The following MRPS27 variants were observed in gnomAD, a reference collection of about 807,000 sequenced individuals.
MRPS27 encodes small ribosomal subunit protein mS27.
Under a neutral mutation model 48.9 loss-of-function variants are expected in MRPS27, and 43 were observed. The observed-to-expected ratio is 0.88, with a 90% CI of 0.69 to 1.13. The LOEUF (loss-of-function observed/expected upper bound fraction) is 1.13. Ranked by LOEUF, MRPS27 falls within the 50% of genes most tolerant of loss-of-function variation. The pLI is 0.00. For missense variants in MRPS27, 467 were observed against 476.3 expected (o/e 0.98, Z 0.18); for synonymous variants, 188 against 171.9 (o/e 1.09, Z -0.73).
intron 5 of MRPS27, among the ~76,000 whole-genome samples, chr5:72,236,679 C>A (rs1748206123): frequency 3.3e-5 from 5 of 152,030 alleles, no homozygotes; most frequent in African/African-American, 4.8e-5. Flanking sequence ...TACCTGGTTC[C>A]TCCCTTAACA....
At position 72,220,003 on chromosome 5, in the gene MRPS27, A is replaced by C. The variant is rs1277393031; in HGVS notation, c.*906T>G. 6.5e-6 allele frequency: 1 copy of C among 152,688 alleles called. No individual in the cohort carries two copies. The highest frequency in any genetic ancestry group is 2.4e-5 in the African/African-American group (1 of 41,468). The allele number at this position is 152,688 out of a possible 1,614,324, so 9.5% of individuals were successfully genotyped here. The stretch of plus-strand genomic sequence containing the variant: ...TATGGGTGCCTAAAAATGGAAATCC[A>C]GTGAGTTCATGGCCTTGAGTTCACT... On this transcript the variant is annotated 3_prime_UTR_variant, in exon 11 of 11. Coordinates refer to ENST00000261413, the MANE Select transcript of MRPS27 (RefSeq NM_015084.3).
At chr5:72,283,707 A>G (rs748832727) in intron 4 of MRPS27, among the ~76,000 whole-genome samples, 13 of 152,184 alleles carry the variant, frequency 8.5e-5, no homozygotes, top group Non-Finnish European at 1.6e-4. Flanking sequence ...TGATCCAGCA[A>G]GCTTAGAAAG....
Position 72,220,672 on chromosome 5 carries a change from C to T in MRPS27, c.*237G>A. On this transcript the variant is annotated 3_prime_UTR_variant, in exon 11 of 11. Transcript: ENST00000261413. ...AACTCCATTATGAGCCTCAAGAGTCCTCCTTAAGGTATTCAGCTGGTGACT... is the reference window on the plus strand; with the variant it reads ...AACTCCATTATGAGCCTCAAGAGTCTTCCTTAAGGTATTCAGCTGGTGACT... 5.5e-6 allele frequency: 3 copies of T among 540,948 alleles called. No homozygotes were observed. Among genetic ancestry groups the T allele is most frequent in the Non-Finnish European group, 9.7e-6 (3 of 308,712 alleles). 33.5% of individuals were successfully genotyped at this position (540,948 alleles called of 1,614,324 possible). A position where few individuals can be genotyped will look rare whatever the true frequency, so the allele number is the denominator to read the frequency against.
chr5:72,243,915 C>G (rs932908712), intron 4 of MRPS27, among the ~76,000 whole-genome samples: 2 of 152,172 alleles, frequency 1.3e-5, no homozygotes, highest in Non-Finnish European at 2.9e-5. Context: ...GATAAGCCCC[C>G]TTTGTAGTCA....
At chr5:72,259,440 C>T (rs544369629) in intron 4 of MRPS27, among the ~76,000 whole-genome samples, 191 of 148,250 alleles carry the variant, frequency 1.3e-3, no homozygotes, top group Middle Eastern at 3.5e-3. Context: ...TACACTCCAG[C>T]CTGGGCAACA....
rs1273813576 is a variant in MRPS27 at position 72,224,999 on chromosome 5, A to T, written c.837+1058T>A. Among the ~76,000 whole-genome samples the T allele has an allele frequency of 2.6e-5, 4 of 152,224 alleles. No individual in the cohort carries two copies. In the South Asian group the frequency reaches 8.3e-4, roughly 32 times the overall value. On this transcript the variant is annotated intron_variant, in intron 9 of 10. Transcript: ENST00000261413. ...TACATCACATCCAAACTGGACACAT[A>T]GCACATTCTTGCTGACATGTGAACT...
intron 4 of MRPS27, among the ~76,000 whole-genome samples, chr5:72,242,517 A>AT (rs1748382657): frequency 6.6e-6 from 1 of 151,294 alleles, no homozygotes; most frequent in Non-Finnish European, 1.5e-5. Flanking sequence ...TTCTTGTTTG[A>AT]CCAATTTCGT....
intron 2 of MRPS27, among the ~76,000 whole-genome samples, chr5:72,300,134 C>T (rs1449347886): frequency 6.6e-6 from 1 of 152,248 alleles, no homozygotes; most frequent in African/African-American, 2.4e-5. Context: ...ACACCAATAA[C>T]CACTGCCACA....
intron 4 of MRPS27, among the ~76,000 whole-genome samples, chr5:72,266,784 C>T (rs1047073511): frequency 8.6e-5 from 13 of 151,994 alleles, no homozygotes; most frequent in Non-Finnish European, 1.6e-4. Flanking sequence ...GGCCTGAACC[C>T]GGGAGGCGGA....
intron 2 of MRPS27, among the ~76,000 whole-genome samples, chr5:72,311,902 G>A (rs1403555670): frequency 6.6e-6 from 1 of 152,228 alleles, no homozygotes; most frequent in Non-Finnish European, 1.5e-5. Flanking sequence ...GGAGGCTGAG[G>A]TGGGCAGATC....
chr5:72,278,442 CAAA>C (rs11296227), intron 4 of MRPS27, among the ~76,000 whole-genome samples: 12 of 94,604 alleles, frequency 1.3e-4, no homozygotes, highest in Admixed American at 4.6e-4. Flanking sequence ...CTCTCCATCT[CAAA>C]AAAAAAAAAA....
chr5:72,314,992 T>C (rs1483914575), intron 1 of MRPS27, among the ~76,000 whole-genome samples: 2 of 152,226 alleles, frequency 1.3e-5, no homozygotes, highest in Non-Finnish European at 1.5e-5. Flanking sequence ...TGAGGTAACG[T>C]ACAAGATAGC....
chr5:72,258,081 C>G (rs1461612506), intron 4 of MRPS27, among the ~76,000 whole-genome samples: 1 of 111,800 alleles, frequency 8.9e-6, no homozygotes, highest in Admixed American at 1.1e-4. Context: ...GAGACTCTGT[C>G]TCAAAAAAAA....
At chr5:72,240,219 T>C (rs994833911) in intron 4 of MRPS27, among the ~76,000 whole-genome samples, 6 of 152,176 alleles carry the variant, frequency 3.9e-5, no homozygotes, top group African/African-American at 1.4e-4. Flanking sequence ...CTATGGTATA[T>C]ATGAAGATAT....
chr5:72,259,869 T>G (rs1180277577), intron 4 of MRPS27, among the ~76,000 whole-genome samples: 2 of 152,216 alleles, frequency 1.3e-5, no homozygotes, highest in African/African-American at 2.4e-5. Flanking sequence ...ATTGTTTAAT[T>G]TTAAATTTTT....
intron 1 of MRPS27, among the ~76,000 whole-genome samples, chr5:72,316,693 A>G (rs1441291975): frequency 1.3e-5 from 2 of 150,216 alleles, no homozygotes; most frequent in African/African-American, 4.9e-5. Context: ...AAATGGATGA[A>G]TTGTATGGCA....
intron 4 of MRPS27, among the ~76,000 whole-genome samples, chr5:72,282,995 G>A (rs1436284144): frequency 1.3e-5 from 2 of 152,144 alleles, no homozygotes; most frequent in Non-Finnish European, 2.9e-5. Flanking sequence ...AAAAGCCAGA[G>A]CTACATGCTT....
chr5:72,228,019 C>G (rs993201549), intron 8 of MRPS27: 2 of 523,878 alleles, frequency 3.8e-6, no homozygotes, highest in Non-Finnish European at 6.7e-6. Context: ...CTGATTACCA[C>G]TGAATATTAT....
chr5:72,228,237 A>G lies in MRPS27; in HGVS notation c.694+29T>C, dbSNP rs878885961. The G allele has an allele frequency of 7.4e-6, 11 of 1,485,144 alleles. No homozygotes were observed. In the South Asian group the frequency reaches 1.1e-4, roughly 15 times the overall value. The allele number at this position is 1,485,144 out of a possible 1,614,324, so 92.0% of individuals were successfully genotyped here. A position where few individuals can be genotyped will look rare whatever the true frequency, so the allele number is the denominator to read the frequency against. ...AATGCAACAATTCTAACCATGAAGA[A>G]CAGTATTTGTAAGGATCATTTAGCT... On this transcript the variant is annotated intron_variant, in intron 8 of 10. Coordinates refer to ENST00000261413, the MANE Select transcript of MRPS27 (RefSeq NM_015084.3).
Sources: allele counts gnomAD v4.1 joint callset (sites outside exome capture counted in the v4.1 genomes callset), GRCh38; gene constraint gnomAD v4.1.1; transcripts MANE v1.5; gene names NCBI Gene and HGNC (gene_info 2026-07-23, HGNC 2026-07-21).